MARK3: variants seen among roughly 807,000 people sequenced by gnomAD.
The protein encoded by MARK3 is MAP/microtubule affinity-regulating kinase 3.
MARK3 carries 46 observed loss-of-function variants against 90.1 expected under a neutral mutation model. The ratio of observed to expected loss-of-function variants is 0.51; its 90% CI spans 0.40 to 0.65. The LOEUF is 0.65. Among genes scored for constraint, MARK3 ranks in the 30% least tolerant of loss-of-function variants. The probability of loss-of-function intolerance (pLI) is 0.00; values close to 1 mark genes in which losing one functional copy is unlikely to be tolerated. For missense variants in MARK3, 818 were observed against 947.2 expected, an observed-to-expected ratio of 0.86 and a Z score of 1.79; for synonymous variants, 321 against 332.6, an observed-to-expected ratio of 0.97 and a Z score of 0.38.
chr14:103,487,698 A>C (rs1333828165), intron 14 of MARK3, among the ~76,000 whole-genome samples: 1 of 152,136 alleles, frequency 6.6e-6, no homozygotes, highest in East Asian at 1.9e-4. Context: ...CCCTGGACTC[A>C]CCCTGAAAGG....
chr14:103,482,318 C>T (rs879100844), intron 14 of MARK3, among the ~76,000 whole-genome samples: 6 of 151,496 alleles, frequency 4.0e-5, no homozygotes, highest in African/African-American at 1.5e-4. Context: ...GTCAGGAGTT[C>T]GTGACCAGCC....
chr14:103,394,982 C>G (rs377300545), intron 1 of MARK3, among the ~76,000 whole-genome samples: 11 of 152,086 alleles, frequency 7.2e-5, no homozygotes, highest in Non-Finnish European at 1.5e-4. Context: ...GGGGTTTCAC[C>G]ATGGCCAGGC....
At chr14:103,459,120 AT>A (rs1322276866) in intron 6 of MARK3, among the ~76,000 whole-genome samples, 3 of 151,962 alleles carry the variant, frequency 2.0e-5, no homozygotes, top group Non-Finnish European at 2.9e-5. Flanking sequence ...AAAAGGGAAC[AT>A]TTTTTTGCTT....
At chr14:103,465,925 C>G (rs767989363) in intron 8 of MARK3, 47 bp from the exon 9 acceptor site, 29 of 1,593,276 alleles carry the variant, frequency 1.8e-5, no homozygotes, top group Non-Finnish European at 2.6e-6. Flanking sequence ...GTTAACTAAA[C>G]CTAAAGGTTG....
intron 2 of MARK3, among the ~76,000 whole-genome samples, chr14:103,406,994 C>T (rs976156273): frequency 4.6e-5 from 7 of 152,022 alleles, no homozygotes; most frequent in African/African-American, 1.7e-4. Context: ...CCACTGCACC[C>T]GGCTAATTTT....
chr14:103,487,020 G>A (rs1468101569), intron 14 of MARK3, among the ~76,000 whole-genome samples: 3 of 151,690 alleles, frequency 2.0e-5, no homozygotes, highest in African/African-American at 7.3e-5. Flanking sequence ...GGGTTTAAAC[G>A]ATTCTTATAC....
At chr14:103,410,489 A>G (rs2091566416) in intron 2 of MARK3, among the ~76,000 whole-genome samples, 1 of 152,202 alleles carries the variant, frequency 6.6e-6, no homozygotes, top group Non-Finnish European at 1.5e-5. Context: ...CCTTTTCACT[A>G]CTTAGATTTA....
At chr14:103,457,357 A>T in intron 6 of MARK3, 145 bp downstream of exon 6, 3 of 603,282 alleles carry the variant, frequency 5.0e-6, no homozygotes, top group South Asian at 4.2e-5. Context: ...AAATTGATGA[A>T]GAACTTTTCA....
intron 1 of MARK3, 118 bp downstream of exon 1, chr14:103,386,198 C>G (rs1208695067): frequency 1.0e-6 from 1 of 986,902 alleles, no homozygotes. Flanking sequence ...GAGGGCAGGC[C>G]GTAGTCACCC....
At chr14:103,490,342 T>A (rs995306272) in intron 14 of MARK3, 2 of 152,148 alleles carry the variant, frequency 1.3e-5, no homozygotes, top group Admixed American at 1.3e-4. Flanking sequence ...AGGATACTGT[T>A]ATATAACAGC....
chr14:103,496,151 A>G (rs913470344), intron 15 of MARK3, among the ~76,000 whole-genome samples: 2 of 152,234 alleles, frequency 1.3e-5, no homozygotes, highest in African/African-American at 2.4e-5. Flanking sequence ...AGGTTGATCC[A>G]TGTTGCCATG....
chr14:103,503,774 G>A lies in MARK3; in HGVS notation c.*547G>A, dbSNP rs1161708021. On this transcript the variant is annotated 3_prime_UTR_variant, in exon 18 of 18. Transcript: ENST00000429436. ...ATTTATAGTTGTGAACATTGCTTGTGTGTGTTTTTCTAAGTAGATTCACAA... is the reference window on the plus strand; with the variant it reads ...ATTTATAGTTGTGAACATTGCTTGTATGTGTTTTTCTAAGTAGATTCACAA... 3 of 153,106 alleles carry A rather than the reference G, an allele frequency of 2.0e-5. No individual in the cohort carries two copies. The highest frequency in any genetic ancestry group is 4.8e-5 in the African/African-American group (2 of 41,430). The allele number at this position is 153,106 out of a possible 1,614,324, so 9.5% of individuals were successfully genotyped here. A position where few individuals can be genotyped will look rare whatever the true frequency, so the allele number is the denominator to read the frequency against.
intron 14 of MARK3, among the ~76,000 whole-genome samples, chr14:103,483,169 T>C (rs1023645800): frequency 6.6e-6 from 1 of 152,208 alleles, no homozygotes; most frequent in Non-Finnish European, 1.5e-5. Context: ...AATTGTTCCT[T>C]TTCCCTCTCT....
intron 1 of MARK3, among the ~76,000 whole-genome samples, chr14:103,400,044 TCA>T (rs2090858564): frequency 6.6e-6 from 1 of 151,712 alleles, no homozygotes. Flanking sequence ...TTCTCATGCC[TCA>T]GTCTTCTGAG....
chr14:103,464,742 G>A (rs148529916), intron 7 of MARK3, among the ~76,000 whole-genome samples: 10,764 of 152,170 alleles, frequency 0.071, 429 homozygotes, highest in African/African-American at 0.099. Flanking sequence ...TGTCACCCAG[G>A]CTGGAGTGCA....
intron 2 of MARK3, among the ~76,000 whole-genome samples, chr14:103,405,671 A>C (rs940815189): frequency 6.6e-6 from 1 of 151,756 alleles, no homozygotes; most frequent in Non-Finnish European, 1.5e-5. Context: ...CATGTATTAC[A>C]TGTCAAGTTC....
chr14:103,404,114 TACTTTC>T (rs1450657768), intron 1 of MARK3, among the ~76,000 whole-genome samples: 2 of 152,246 alleles, frequency 1.3e-5, no homozygotes, highest in Non-Finnish European at 2.9e-5. Flanking sequence ...TTTTAAAGCT[TACTTTC>T]ACTTTAAAAC....
At chr14:103,394,345 G>A (rs1272582539) in intron 1 of MARK3, among the ~76,000 whole-genome samples, 1 of 152,192 alleles carries the variant, frequency 6.6e-6, no homozygotes, top group Non-Finnish European at 1.5e-5. Flanking sequence ...GTCTGCAAAA[G>A]TAATAAGGAA....
At chr14:103,445,502 G>C (rs924683017) in intron 3 of MARK3, among the ~76,000 whole-genome samples, 2 of 152,124 alleles carry the variant, frequency 1.3e-5, no homozygotes, top group African/African-American at 4.8e-5. Flanking sequence ...TACCTCTCTT[G>C]GGATTCTTTG....
Sources: allele counts gnomAD v4.1 joint callset (sites outside exome capture counted in the v4.1 genomes callset), GRCh38; gene constraint gnomAD v4.1.1; transcripts MANE v1.5; gene names NCBI Gene and HGNC (gene_info 2026-07-23, HGNC 2026-07-21).